Variants in SLC9A8 observed in about 807,000 individuals in gnomAD.
SLC9A8 encodes the protein solute carrier family 9 member A8, also known as sodium/hydrogen exchanger 8.
Under a neutral mutation model 66.6 loss-of-function variants are expected in SLC9A8, and 48 were observed. That is an observed-to-expected ratio of 0.72 (90% confidence interval 0.57 to 0.92). The LOEUF (loss-of-function observed/expected upper bound fraction) is 0.92, where lower values mean the gene tolerates loss of function less well. Ranked by LOEUF, SLC9A8 falls within the 40% of genes least tolerant of loss-of-function variation. The pLI, the probability that SLC9A8 is intolerant of heterozygous loss-of-function variation, is 0.00. For synonymous variants in SLC9A8, 274 were observed against 282.6 expected, an observed-to-expected ratio of 0.97 and a Z score of 0.31; for missense variants, 599 against 747.3, an observed-to-expected ratio of 0.80 and a Z score of 2.31.
At chr20:49,839,758 T>A (rs2087688244) in intron 4 of SLC9A8, among the ~76,000 whole-genome samples, 159 bp downstream of exon 4, 1 of 152,184 alleles carries the variant, frequency 6.6e-6, no homozygotes, top group Non-Finnish European at 1.5e-5. Context: ...TGCCTTTACA[T>A]CTGAGTTTTT....
intron 1 of SLC9A8, among the ~76,000 whole-genome samples, chr20:49,813,889 G>A (rs570338172): frequency 1.8e-3 from 280 of 152,280 alleles, no homozygotes; most frequent in African/African-American, 5.8e-3. Flanking sequence ...GATGGGGAAG[G>A]ACGGGCTGTG....
intron 3 of SLC9A8, among the ~76,000 whole-genome samples, chr20:49,826,095 G>A (rs181469349): frequency 6.6e-6 from 1 of 152,318 alleles, no homozygotes; most frequent in African/African-American, 2.4e-5. Flanking sequence ...TGATGGAAAG[G>A]CAGTCTTGCT....
At chr20:49,823,169 A>G in intron 3 of SLC9A8, 28 bp downstream of exon 3, 1 of 1,553,192 alleles carries the variant, frequency 6.4e-7, no homozygotes, top group East Asian at 2.2e-5. Context: ...ATTCCATAAT[A>G]AAAGCAGTAA....
intron 1 of SLC9A8, 115 bp downstream of exon 1, chr20:49,813,063 G>A (rs1307986032): frequency 1.1e-5 from 8 of 738,258 alleles, no homozygotes; most frequent in Non-Finnish European, 1.1e-5. Context: ...TTGCTGGTTG[G>A]CCAGGACTGA....
intron 3 of SLC9A8, chr20:49,830,508 A>G: frequency 2.7e-6 from 2 of 735,918 alleles, no homozygotes; most frequent in East Asian, 2.7e-5. Flanking sequence ...GGACATGTCA[A>G]CGGTGGACGC....
At chr20:49,834,333 GTATA>G (rs1229882653) in intron 3 of SLC9A8, among the ~76,000 whole-genome samples, 865 of 80,328 alleles carry the variant, frequency 0.011, 57 homozygotes, top group African/African-American at 0.037. Flanking sequence ...TATATACTGT[GTATA>G]TATATATATA....
At chr20:49,853,695 A>C (rs1347439314) in intron 7 of SLC9A8, among the ~76,000 whole-genome samples, 1 of 152,140 alleles carries the variant, frequency 6.6e-6, no homozygotes, top group Non-Finnish European at 1.5e-5. Context: ...TCTCTGGGCC[A>C]TGCCCAGTAC....
chr20:49,874,211 ACG>A (rs2089331062), intron 10 of SLC9A8, among the ~76,000 whole-genome samples: 4 of 5,840 alleles, frequency 6.8e-4, no homozygotes, highest in Non-Finnish European at 1.3e-3. Context: ...CCAAGATCGC[ACG>A]CACTATTGCA....
At chr20:49,819,430 G>A (rs2086661079) in intron 2 of SLC9A8, among the ~76,000 whole-genome samples, 1 of 152,084 alleles carries the variant, frequency 6.6e-6, no homozygotes, top group Admixed American at 6.5e-5. Flanking sequence ...GTTTGGAGTT[G>A]CAAATTTGTT....
chr20:49,831,228 G>T (rs1239486679), intron 3 of SLC9A8: 3 of 382,836 alleles, frequency 7.8e-6, no homozygotes, highest in Non-Finnish European at 9.9e-6. Context: ...CTTGCCATCA[G>T]CACAGCACAC....
chr20:49,855,411 A>C, intron 7 of SLC9A8, 27 bp from the exon 8 acceptor site: 1 of 1,608,182 alleles, frequency 6.2e-7, no homozygotes, highest in Non-Finnish European at 8.5e-7. Flanking sequence ...ACATTACAGA[A>C]TCTCCCCTTC....
intron 3 of SLC9A8, among the ~76,000 whole-genome samples, chr20:49,839,144 G>A (rs2087662031): frequency 6.6e-6 from 1 of 152,186 alleles, no homozygotes; most frequent in Non-Finnish European, 1.5e-5. Flanking sequence ...GTCTGAGAAA[G>A]TGATCATGGA....
chr20:49,838,866 C>T lies in SLC9A8; in HGVS notation c.290-675C>T, dbSNP rs1047951230. On this transcript the variant is annotated intron_variant, in intron 3 of 15. Transcript: ENST00000361573. ...GGGCGTCTTTATTTTATAAAAAGTT[C>T]CCATGGTGATTCTGGTGAACCAACA... Among the ~76,000 whole-genome samples, 13 of 152,174 alleles carry T rather than the reference C, an allele frequency of 8.5e-5. No homozygotes were observed. The East Asian group carries it at 2.3e-3, about 27-fold the overall frequency.
chr20:49,884,627 TGGG>T (rs553923055), intron 14 of SLC9A8, among the ~76,000 whole-genome samples: 88 of 152,218 alleles, frequency 5.8e-4, no homozygotes, highest in African/African-American at 2.1e-3. Flanking sequence ...AACCACCTGT[TGGG>T]GGCCTGAGGA....
Position 49,851,726 on chromosome 20 carries a change from G to A in SLC9A8, c.569+882G>A, listed in dbSNP as rs530999263. ...TCCACTCACCACCCACCCCAGCCCA[G>A]GACAATTTTGGAGCTTTTGTTGTAA... is the stretch of plus-strand genomic sequence containing the variant. On this transcript the variant is annotated intron_variant, in intron 7 of 15. Transcript: ENST00000361573. 2.4e-4 allele frequency among the ~76,000 whole-genome samples: 36 copies of A among 152,226 alleles called. No homozygotes were observed. In the East Asian group the frequency reaches 6.6e-3, roughly 28 times the overall value.
rs995616050 is a variant in SLC9A8 at position 49,842,058 on chromosome 20, T to A, written c.348+2459T>A. Among the ~76,000 whole-genome samples, 10 of 136,812 alleles carry A rather than the reference T, an allele frequency of 7.3e-5. No homozygotes were observed. The East Asian group carries it at 1.1e-3, about 15-fold the overall frequency. The allele number at this position is 136,812 out of a possible 152,430, so 89.8% of individuals were successfully genotyped here. On this transcript the variant is annotated intron_variant, in intron 4 of 15. Transcript: ENST00000361573. ...CCTATATATTTATTTTATTTTATTT[T>A]ATTTTTTTTTTTTTGCTGGGGAGTG...
At chr20:49,842,473 A>G (rs971322015) in intron 4 of SLC9A8, among the ~76,000 whole-genome samples, 2 of 152,344 alleles carry the variant, frequency 1.3e-5, no homozygotes, top group South Asian at 4.1e-4. Context: ...CTGAAGCATC[A>G]GAGGTCAAGT....
chr20:49,876,069 A>G (rs1479852588), intron 11 of SLC9A8, among the ~76,000 whole-genome samples: 2 of 152,022 alleles, frequency 1.3e-5, no homozygotes, highest in East Asian at 3.9e-4. Flanking sequence ...CTACTTCCAC[A>G]CTGTTAGCGT....
At chr20:49,816,582 A>G (rs1264047713) in intron 2 of SLC9A8, among the ~76,000 whole-genome samples, 2 of 152,306 alleles carry the variant, frequency 1.3e-5, no homozygotes, top group South Asian at 2.1e-4. Context: ...AGAGGTTTAG[A>G]TAAAAGACAA....
Sources: allele counts gnomAD v4.1 joint callset (sites outside exome capture counted in the v4.1 genomes callset), GRCh38; gene constraint gnomAD v4.1.1; transcripts MANE v1.5; gene names NCBI Gene and HGNC (gene_info 2026-07-23, HGNC 2026-07-21).